PARM1: variants seen among roughly 807,000 people sequenced by gnomAD.
PARM1 encodes the protein WSC4, cell wall integrity and stress response component 4 homolog.
In PARM1, 14 loss-of-function variants were observed where a neutral mutation model predicts 24.6. That is an observed-to-expected ratio of 0.57 (90% CI 0.38 to 0.89). The LOEUF is 0.89. Among genes scored for constraint, PARM1 ranks in the 40% least tolerant of loss-of-function variants. The probability of loss-of-function intolerance (pLI) is 0.00; values close to 1 mark genes in which losing one functional copy is unlikely to be tolerated. For synonymous variants in PARM1, 179 were observed against 156.6 expected, an observed-to-expected ratio of 1.14 and a Z score of -1.07; for missense variants, 362 against 380.4, an observed-to-expected ratio of 0.95 and a Z score of 0.40.
intron 1 of PARM1, among the ~76,000 whole-genome samples, chr4:74,974,189 C>G (rs1053947244): frequency 3.3e-5 from 5 of 152,182 alleles, no homozygotes; most frequent in African/African-American, 4.8e-5. Context: ...TGGATGATGC[C>G]CACATACTTT....
rs1723654914 is a variant in PARM1 at position 75,048,440 on chromosome 4, T to C, written c.*2193T>C. 1.3e-5 allele frequency: 2 copies of C among 152,136 alleles called. No homozygotes were observed. Among genetic ancestry groups the C allele is most frequent in the Admixed American group, 6.5e-5 (1 of 15,278 alleles). 9.4% of individuals were successfully genotyped at this position (152,136 alleles called of 1,614,324 possible). On this transcript the variant is annotated 3_prime_UTR_variant, in exon 4 of 4. Transcript: ENST00000307428. ...CTTGGCTTGAGTAACTGTCTCTCTT[T>C]CCCCACCCCCATCACAGGGCTTTCA... is the stretch of plus-strand genomic sequence containing the variant.
intron 2 of PARM1, among the ~76,000 whole-genome samples, chr4:75,021,294 A>G (rs1215569785): frequency 6.6e-6 from 1 of 152,210 alleles, no homozygotes; most frequent in South Asian, 2.1e-4. Context: ...GTAGCTGTCT[A>G]AAGGACTTTC....
At chr4:74,969,054 GGTAAA>G in intron 1 of PARM1, among the ~76,000 whole-genome samples, 1 of 152,172 alleles carries the variant, frequency 6.6e-6, no homozygotes, top group African/African-American at 2.4e-5. Context: ...ACAAGCACAT[GGTAAA>G]CCAAGTTTTG....
At chr4:74,994,319 G>C (rs1445658368) in intron 1 of PARM1, 1 of 152,252 alleles carries the variant, frequency 6.6e-6, no homozygotes, top group Non-Finnish European at 1.5e-5. Flanking sequence ...ACACCAAATT[G>C]CCTTAAAATG....
intron 3 of PARM1, among the ~76,000 whole-genome samples, chr4:75,039,616 C>T (rs928229709): frequency 6.6e-6 from 1 of 152,158 alleles, no homozygotes; most frequent in African/African-American, 2.4e-5. Context: ...CTTGCATTTA[C>T]ATATCTAACT....
intron 3 of PARM1, among the ~76,000 whole-genome samples, chr4:75,040,242 G>A (rs753403509): frequency 6.6e-5 from 10 of 152,192 alleles, no homozygotes; most frequent in Non-Finnish European, 7.3e-5. Context: ...TACTAGCTAC[G>A]TCGTGACACT....
intron 3 of PARM1, among the ~76,000 whole-genome samples, chr4:75,044,020 G>A (rs942529939): frequency 1.7e-4 from 26 of 149,146 alleles, no homozygotes; most frequent in Admixed American, 1.3e-3. Context: ...AGTTTGAAAC[G>A]AGCACAGCAA....
At chr4:74,935,363 A>G (rs1375166574) in intron 1 of PARM1, among the ~76,000 whole-genome samples, 1 of 152,224 alleles carries the variant, frequency 6.6e-6, no homozygotes, top group African/African-American at 2.4e-5. Context: ...AAATCGTCCG[A>G]AAAAATAATA....
chr4:75,046,082 C>A (rs1029504815), intron 3 of PARM1, 81 bp from the exon 4 acceptor site: 2 of 860,048 alleles, frequency 2.3e-6, no homozygotes, highest in African/African-American at 3.3e-5. Flanking sequence ...TAAGCATCCC[C>A]AGTTCAGTGC....
intron 2 of PARM1, among the ~76,000 whole-genome samples, chr4:75,018,720 C>A (rs993826654): frequency 6.6e-6 from 1 of 152,162 alleles, no homozygotes; most frequent in African/African-American, 2.4e-5. Flanking sequence ...CACAGGTAGC[C>A]CTCATCTGAT....
intron 1 of PARM1, among the ~76,000 whole-genome samples, chr4:74,971,961 G>A (rs1722045873): frequency 6.6e-6 from 1 of 152,196 alleles, no homozygotes; most frequent in Non-Finnish European, 1.5e-5. Flanking sequence ...ACAGCCACAA[G>A]CATAATAATT....
At chr4:75,040,910 A>G (rs1723470853) in intron 3 of PARM1, among the ~76,000 whole-genome samples, 1 of 151,946 alleles carries the variant, frequency 6.6e-6, no homozygotes, top group South Asian at 2.1e-4. Flanking sequence ...CATCTCCTCT[A>G]TGTGTCTGCT....
intron 1 of PARM1, among the ~76,000 whole-genome samples, chr4:75,000,180 G>C (rs1386674532): frequency 6.6e-6 from 1 of 152,158 alleles, no homozygotes; most frequent in Non-Finnish European, 1.5e-5. Context: ...ATCATTAGCA[G>C]TTACAAGAGT....
At chr4:74,956,009 A>G (rs1721623539) in intron 1 of PARM1, 1 of 152,274 alleles carries the variant, frequency 6.6e-6, no homozygotes, top group Non-Finnish European at 1.5e-5. Flanking sequence ...TAATTTAAAA[A>G]TGGAAAATAC....
intron 1 of PARM1, among the ~76,000 whole-genome samples, chr4:74,939,619 G>T: frequency 6.6e-6 from 1 of 152,060 alleles, no homozygotes; most frequent in South Asian, 2.1e-4. Flanking sequence ...AATTATATAA[G>T]GTTTGCATAA....
At chr4:75,013,299 CTT>C (rs1560792297) in intron 2 of PARM1, 149 bp downstream of exon 2, 8 of 864,650 alleles carry the variant, frequency 9.3e-6, no homozygotes, top group Non-Finnish European at 1.4e-5. Context: ...CGAGTGCAAA[CTT>C]TATTTTTAGT....
chr4:74,943,899 C>G (rs1721360159), intron 1 of PARM1, among the ~76,000 whole-genome samples: 1 of 152,312 alleles, frequency 6.6e-6, no homozygotes, highest in African/African-American at 2.4e-5. Flanking sequence ...AGCTCAAGAA[C>G]AGAATGGGCA....
chr4:75,015,314 C>T (rs1176215482), intron 2 of PARM1, among the ~76,000 whole-genome samples: 1 of 152,120 alleles, frequency 6.6e-6, no homozygotes, highest in Non-Finnish European at 1.5e-5. Flanking sequence ...GGTCAAGAGG[C>T]CCCAAATTGG....
intron 1 of PARM1, among the ~76,000 whole-genome samples, chr4:74,957,916 A>G (rs566597329): frequency 6.6e-6 from 1 of 152,336 alleles, no homozygotes; most frequent in South Asian, 2.1e-4. Flanking sequence ...CAGGTAGCCC[A>G]GAGTGCTGCC....
Sources: allele counts gnomAD v4.1 joint callset (sites outside exome capture counted in the v4.1 genomes callset), GRCh38; gene constraint gnomAD v4.1.1; transcripts MANE v1.5; gene names NCBI Gene and HGNC (gene_info 2026-07-23, HGNC 2026-07-21).